The following PHLPP2 variants were observed in gnomAD, a reference collection of about 807,000 sequenced individuals.
PHLPP2 encodes the protein PH domain and leucine rich repeat protein phosphatase 2, also known as PH domain leucine-rich repeat-containing protein phosphatase 2.
In PHLPP2, 66 loss-of-function variants were observed where a neutral mutation model predicts 124.9. The observed-to-expected ratio is 0.53, with a 90% CI of 0.43 to 0.65. The LOEUF (loss-of-function observed/expected upper bound fraction) is 0.65. Among genes scored for constraint, PHLPP2 ranks in the 30% least tolerant of loss-of-function variants. PHLPP2 has a pLI of 0.00. For synonymous variants in PHLPP2, 681 were observed against 624.7 expected (o/e 1.09, Z -1.34); for missense variants, 1,685 against 1,600.4 (o/e 1.05, Z -0.90).
intron 6 of PHLPP2, among the ~76,000 whole-genome samples, chr16:71,680,335 AAATG>A (rs1255368704): frequency 1.3e-5 from 2 of 152,238 alleles, no homozygotes; most frequent in East Asian, 3.8e-4. Flanking sequence ...ATGTCACATA[AAATG>A]AATAAACCAG....
At chr16:71,723,728 C>T (rs1032448455) in intron 1 of PHLPP2, 2 of 1,012,602 alleles carry the variant, frequency 2.0e-6, no homozygotes, top group Non-Finnish European at 2.7e-6. Context: ...CGCTTGCCCG[C>T]TCGCCCGCTC....
chr16:71,672,752 T>C (rs910942405), intron 9 of PHLPP2, among the ~76,000 whole-genome samples: 2 of 152,184 alleles, frequency 1.3e-5, no homozygotes, highest in Non-Finnish European at 2.9e-5. Flanking sequence ...AAACAGAACA[T>C]TACCAGCTCC....
At chr16:71,674,847 A>C (rs1311214783) in intron 9 of PHLPP2, among the ~76,000 whole-genome samples, 1 of 152,144 alleles carries the variant, frequency 6.6e-6, no homozygotes, top group African/African-American at 2.4e-5. Flanking sequence ...AAATACAAAA[A>C]TTAGATGGGC....
Position 71,669,264 on chromosome 16 carries a change from G to A in PHLPP2, c.1628+11C>T. 2 of 1,561,522 alleles carry A rather than the reference G, an allele frequency of 1.3e-6. No homozygotes were observed. Among genetic ancestry groups the A allele is most frequent in the Admixed American group, 3.4e-5 (2 of 59,652 alleles). On this transcript the variant is annotated intron_variant, in intron 11 of 18. Transcript: ENST00000568954. ...AGTATATACATAATATATGCATCCA[G>A]GCACACATACCTCACGGGAACCTCT...
intron 2 of PHLPP2, among the ~76,000 whole-genome samples, chr16:71,704,087 C>A (rs970544732): frequency 1.3e-5 from 2 of 152,072 alleles, no homozygotes; most frequent in African/African-American, 4.8e-5. Context: ...CTTCAGGAGG[C>A]TGAGGCGGGC....
At position 71,655,343 on chromosome 16, in the gene PHLPP2, G is replaced by A; in HGVS notation, c.2482C>T (p.Pro828Ser). 1 of 1,613,854 alleles carries A rather than the reference G, an allele frequency of 6.2e-7. No individual in the cohort carries two copies. Among genetic ancestry groups the A allele is most frequent in the Non-Finnish European group, 8.5e-7 (1 of 1,179,780 alleles). ...MFDGDRNEEL[P>S]RLLQCTMADV... ...GCCATCGTACACTGCAGCAGGCGCGGGAGCTCCTCATTTCGGTCTCCATCA... is the reference window on the plus strand; with the variant it reads ...GCCATCGTACACTGCAGCAGGCGCGAGAGCTCCTCATTTCGGTCTCCATCA... The change falls in exon 17 of 19, where the codon CCG becomes TCG. Residue 828 changes from proline to serine, a missense_variant. Transcript: ENST00000568954.
intron 17 of PHLPP2, among the ~76,000 whole-genome samples, chr16:71,654,204 G>GAAAAAAAAAAA (rs765826548): frequency 2.8e-5 from 2 of 72,336 alleles, no homozygotes; most frequent in African/African-American, 6.1e-5. Flanking sequence ...TCTCAAAAAA[G>GAAAAAAAAAAA]AAAAAAAAAA....
At chr16:71,658,447 C>A in intron 14 of PHLPP2, 84 bp from the exon 15 acceptor site, 1 of 1,319,250 alleles carries the variant, frequency 7.6e-7, no homozygotes, top group Admixed American at 2.3e-5. Context: ...CTTACTATAT[C>A]CCCAAAGAGG....
At chr16:71,687,510 G>A (rs2045065381) in intron 4 of PHLPP2, among the ~76,000 whole-genome samples, 1 of 152,040 alleles carries the variant, frequency 6.6e-6, no homozygotes, top group South Asian at 2.1e-4. Flanking sequence ...CAATCATTAT[G>A]ATTACTGATA....
rs938304318 is a variant in PHLPP2, at chr16:71,647,012, GA to G, written c.*1877del. 1 of 152,500 alleles carries G rather than the reference GA, an allele frequency of 6.6e-6. No individual in the cohort carries two copies. The highest frequency in any genetic ancestry group is 2.4e-5 in the African/African-American group (1 of 41,424). The allele number at this position is 152,500 out of a possible 1,614,324, so 9.4% of individuals were successfully genotyped here. ...CATAATTATTATGGACAGGTCATCTGATTTTGACTATTGCTTTGAACAAAAA... is the reference window on the plus strand; with the variant it reads ...CATAATTATTATGGACAGGTCATCTGTTTTGACTATTGCTTTGAACAAAAA... On this transcript the variant is annotated 3_prime_UTR_variant, in exon 19 of 19. Transcript: ENST00000568954.
intron 9 of PHLPP2, 37 bp downstream of exon 9, chr16:71,676,410 G>C: frequency 6.4e-7 from 1 of 1,553,372 alleles, no homozygotes; most frequent in East Asian, 2.2e-5. Flanking sequence ...GACAACAGCT[G>C]AAAGAGAAAA....
chr16:71,693,416 C>T (rs1021713074), intron 3 of PHLPP2, among the ~76,000 whole-genome samples: 2 of 152,210 alleles, frequency 1.3e-5, no homozygotes, highest in African/African-American at 4.8e-5. Context: ...GCAGCTTCAA[C>T]TCTTGGGTTC....
intron 8 of PHLPP2, chr16:71,678,422 G>A (rs970488786): frequency 3.1e-5 from 7 of 223,288 alleles, no homozygotes; most frequent in South Asian, 7.9e-5. Flanking sequence ...TGGACTGCTC[G>A]AGTCCAGGAG....
chr16:71,656,528 G>T, intron 16 of PHLPP2, 43 bp downstream of exon 16: 2 of 1,138,036 alleles, frequency 1.8e-6, no homozygotes, highest in Non-Finnish European at 1.3e-6. Flanking sequence ...GATGCCAGGG[G>T]CTGCCTTTTT....
At chr16:71,689,683 C>T (rs1412544537) in intron 4 of PHLPP2, among the ~76,000 whole-genome samples, 2 of 152,022 alleles carry the variant, frequency 1.3e-5, no homozygotes, top group African/African-American at 2.4e-5. Context: ...CAGGCACGAG[C>T]CACCGCACCC....
At chr16:71,697,215 TAAA>T (rs1555547738) in intron 3 of PHLPP2, among the ~76,000 whole-genome samples, 9 of 82,578 alleles carry the variant, frequency 1.1e-4, no homozygotes, top group Non-Finnish European at 2.0e-4. Context: ...AATAAATAAA[TAAA>T]AAGAAACTCA....
intron 3 of PHLPP2, among the ~76,000 whole-genome samples, chr16:71,695,922 T>C (rs8062188): frequency 0.9 from 136,333 of 152,192 alleles, 61,385 homozygotes; most frequent in East Asian, 0.99. Context: ...ACCAAATTGA[T>C]GGTGGTTATC....
intron 9 of PHLPP2, among the ~76,000 whole-genome samples, chr16:71,675,243 CT>C (rs952481164): frequency 3.3e-5 from 5 of 152,198 alleles, no homozygotes; most frequent in Non-Finnish European, 7.4e-5. Context: ...TCAGAATTAC[CT>C]TTTTTTAAAT....
chr16:71,695,427 G>C (rs1423874567), intron 3 of PHLPP2, among the ~76,000 whole-genome samples: 2 of 152,090 alleles, frequency 1.3e-5, no homozygotes. Context: ...ATGTATACAG[G>C]GCCGGGCACA....
Sources: allele counts gnomAD v4.1 joint callset (sites outside exome capture counted in the v4.1 genomes callset), GRCh38; gene constraint gnomAD v4.1.1; transcripts MANE v1.5; gene names NCBI Gene and HGNC (gene_info 2026-07-23, HGNC 2026-07-21).